MAST4: variants seen among roughly 807,000 people sequenced by gnomAD.
MAST4 encodes microtubule associated serine/threonine kinase family member 4.
A neutral mutation model predicts 162.7 loss-of-function variants in MAST4; 89 were observed. The ratio of observed to expected loss-of-function variants is 0.55; its 90% CI spans 0.46 to 0.65. The LOEUF is 0.65. MAST4 is among the 30% of genes least tolerant of loss of function. The pLI is 0.00. For missense variants in MAST4, 3,153 were observed against 3,374.0 expected (o/e 0.93, Z 1.62); for synonymous variants, 1,479 against 1,361.1 (o/e 1.09, Z -1.91).
intron 1 of MAST4, among the ~76,000 whole-genome samples, chr5:66,619,821 C>T (rs565909790): frequency 6.6e-6 from 1 of 151,890 alleles, no homozygotes; most frequent in African/African-American, 2.4e-5. Flanking sequence ...ATATCAAGGT[C>T]ACCTTTTTTG....
At chr5:67,018,688 A>G (rs1271301266) in intron 4 of MAST4, among the ~76,000 whole-genome samples, 2 of 152,188 alleles carry the variant, frequency 1.3e-5, no homozygotes, top group Non-Finnish European at 2.9e-5. Flanking sequence ...ATAGAGTATG[A>G]TTGTTGGAAA....
intron 1 of MAST4, among the ~76,000 whole-genome samples, chr5:66,651,069 C>G (rs145851262): frequency 1.3e-4 from 20 of 152,212 alleles, no homozygotes; most frequent in African/African-American, 4.6e-4. Flanking sequence ...CATAGTAGAG[C>G]AAAATCTATA....
chr5:66,741,546 A>C (rs1752476572), intron 1 of MAST4, among the ~76,000 whole-genome samples: 1 of 152,148 alleles, frequency 6.6e-6, no homozygotes, highest in Admixed American at 6.5e-5. Flanking sequence ...GTCCAATAAA[A>C]TTTTATTTGG....
intron 4 of MAST4, among the ~76,000 whole-genome samples, chr5:66,983,977 A>G (rs1413792665): frequency 1.3e-5 from 2 of 152,154 alleles, no homozygotes; most frequent in African/African-American, 2.4e-5. Context: ...CATTCACACA[A>G]TCTTCATTTC....
At chr5:66,702,053 CTGAG>C (rs1180034280) in intron 1 of MAST4, among the ~76,000 whole-genome samples, 1 of 152,128 alleles carries the variant, frequency 6.6e-6, no homozygotes, top group Non-Finnish European at 1.5e-5. Context: ...ATTGTGAGTC[CTGAG>C]TGAGTGCTGC....
At position 67,023,070 on chromosome 5, in the gene MAST4, A is replaced by G. The variant is rs1449223533; in HGVS notation, c.675-31334A>G. On this transcript the variant is annotated intron_variant, in intron 4 of 28. Transcript: ENST00000403625. ...GGTCTAAGCTAAATAGAGCAAGAAC[A>G]ATGTTCTATTAGAAATATCCTGTGG... is the stretch of plus-strand genomic sequence containing the variant. Among the ~76,000 whole-genome samples, 33 of 152,202 alleles carry G rather than the reference A, an allele frequency of 2.2e-4. 1 individual carries two copies. Among genetic ancestry groups the G allele is most frequent in the Admixed American group, 1.8e-3 (28 of 15,264 alleles).
At chr5:67,081,048 GTATATA>G (rs933284644) in intron 5 of MAST4, among the ~76,000 whole-genome samples, 1 of 119,776 alleles carries the variant, frequency 8.3e-6, no homozygotes, top group African/African-American at 3.6e-5. Flanking sequence ...ATATATAATT[GTATATA>G]TTATATAATA....
At chr5:66,942,522 A>C (rs1209081514) in intron 4 of MAST4, among the ~76,000 whole-genome samples, 2 of 152,152 alleles carry the variant, frequency 1.3e-5, no homozygotes, top group Admixed American at 6.6e-5. Context: ...TTTAAAAGTT[A>C]TTTAGGTATA....
At chr5:66,778,101 C>T (rs914303561) in intron 2 of MAST4, among the ~76,000 whole-genome samples, 37 of 152,210 alleles carry the variant, frequency 2.4e-4, no homozygotes, top group African/African-American at 7.2e-4. Flanking sequence ...CTCTGGGTGC[C>T]GTCACGCAGG....
rs1764829906 is a variant in MAST4 at position 66,925,469 on chromosome 5, A to G, written c.674+25487A>G. Among the ~76,000 whole-genome samples, 5 of 152,214 alleles carry G rather than the reference A, an allele frequency of 3.3e-5. No individual in the cohort carries two copies. In the South Asian group the frequency reaches 1.0e-3, roughly 32 times the overall value. On this transcript the variant is annotated intron_variant, in intron 4 of 28. Coordinates refer to ENST00000403625, the MANE Select transcript of MAST4 (RefSeq NM_001164664.2). ...GGTTCCAGTAGTCAACAGAGATGCT[A>G]TATTCATTTAGGGAATATAACAGAT...
At chr5:66,875,749 A>G (rs922975295) in intron 3 of MAST4, among the ~76,000 whole-genome samples, 2 of 152,190 alleles carry the variant, frequency 1.3e-5, no homozygotes, top group Admixed American at 6.5e-5. Flanking sequence ...ATACAGTTCT[A>G]TGTATTTTTT....
At chr5:67,033,315 C>CTGTGTGTGTGTGTGTGTG (rs146627241) in intron 4 of MAST4, among the ~76,000 whole-genome samples, 37 of 125,990 alleles carry the variant, frequency 2.9e-4, no homozygotes, top group African/African-American at 6.8e-4. Context: ...TTTCATTTCT[C>CTGTGTGTGTGTGTGTGTG]TGTGTGTGTG....
chr5:66,640,939 G>T (rs1406350984), intron 1 of MAST4, among the ~76,000 whole-genome samples: 1 of 152,082 alleles, frequency 6.6e-6, no homozygotes, highest in Non-Finnish European at 1.5e-5. Flanking sequence ...ATATCTCATT[G>T]TGGTTTTGAT....
chr5:67,079,409 C>T (rs1466489770), intron 5 of MAST4, among the ~76,000 whole-genome samples: 1 of 151,944 alleles, frequency 6.6e-6, no homozygotes, highest in Non-Finnish European at 1.5e-5. Context: ...TTTTTTTATA[C>T]ACATATGCTT....
intron 3 of MAST4, among the ~76,000 whole-genome samples, chr5:66,825,944 T>A (rs1288082064): frequency 6.6e-6 from 1 of 152,216 alleles, no homozygotes; most frequent in Non-Finnish European, 1.5e-5. Flanking sequence ...AAAAATGAGT[T>A]TATTAATGGA....
chr5:66,878,402 C>G (rs1761449916), intron 3 of MAST4, among the ~76,000 whole-genome samples: 1 of 152,248 alleles, frequency 6.6e-6, no homozygotes, highest in Admixed American at 6.5e-5. Flanking sequence ...CTTAACACAT[C>G]TTCTACCTAC....
At chr5:67,162,850 C>G in intron 28 of MAST4, 62 bp downstream of exon 28, 3 of 1,490,752 alleles carry the variant, frequency 2.0e-6, no homozygotes, top group Non-Finnish European at 2.7e-6. Flanking sequence ...GTGAGGTCCC[C>G]AAAAAACATG....
intron 4 of MAST4, among the ~76,000 whole-genome samples, chr5:66,960,611 A>G (rs1745894259): frequency 6.6e-6 from 1 of 152,054 alleles, no homozygotes; most frequent in Non-Finnish European, 1.5e-5. Flanking sequence ...TTTAAAACCC[A>G]GGGGCATTAA....
intron 1 of MAST4, among the ~76,000 whole-genome samples, chr5:66,678,644 G>A (rs1406039010): frequency 2.0e-5 from 3 of 148,824 alleles, no homozygotes; most frequent in Non-Finnish European, 4.5e-5. Context: ...ACCGGTGCAC[G>A]CCACCACACT....
Sources: allele counts gnomAD v4.1 joint callset (sites outside exome capture counted in the v4.1 genomes callset), GRCh38; gene constraint gnomAD v4.1.1; transcripts MANE v1.5; gene names NCBI Gene and HGNC (gene_info 2026-07-23, HGNC 2026-07-21).